The following GPR157 variants were observed in gnomAD, a reference collection of about 807,000 sequenced individuals.
The protein encoded by GPR157 is G-protein coupled receptor 157.
Under a neutral mutation model 23.5 loss-of-function variants are expected in GPR157, and 16 were observed. The ratio of observed to expected loss-of-function variants is 0.68; its 90% confidence interval spans 0.46 to 1.04. GPR157 has a LOEUF of 1.04. GPR157 is among the 50% of genes least tolerant of loss of function. GPR157 has a pLI of 0.00. For missense variants in GPR157, 440 were observed against 460.7 expected (o/e 0.96, Z 0.41); for synonymous variants, 200 against 221.5 (o/e 0.90, Z 0.86).
chr1:9,104,501 C>T lies in GPR157; in HGVS notation c.926G>A (p.Gly309Asp). 1.9e-6 allele frequency: 3 copies of T among 1,613,720 alleles called. No individual in the cohort carries two copies. The highest frequency in any genetic ancestry group is 2.5e-6 in the Non-Finnish European group (3 of 1,179,928). The part of the protein sequence containing the change: ...SSQPPTKSPA[G>D]TPKAPAPSKP... ...GGAAGGCGCGGGAGCCTTGGGAGTG[C>T]CAGCCGGGCTCTTGGTGGGAGGCTG... is the stretch of plus-strand genomic sequence containing the variant. The change falls in exon 4 of 4, where the codon GGC becomes GAC. Residue 309 changes from glycine (G) to aspartate (D), a missense_variant. Coordinates refer to ENST00000377411, the MANE Select transcript of GPR157 (RefSeq NM_024980.5).
At chr1:9,121,022 G>A (rs570166345) in intron 1 of GPR157, among the ~76,000 whole-genome samples, 1 of 152,130 alleles carries the variant, frequency 6.6e-6, no homozygotes, top group African/African-American at 2.4e-5. Context: ...GCAGTGCCAC[G>A]GTGAGCTCGT....
intron 1 of GPR157, among the ~76,000 whole-genome samples, chr1:9,125,567 C>T (rs1192276877): frequency 6.6e-6 from 1 of 152,182 alleles, no homozygotes; most frequent in Non-Finnish European, 1.5e-5. Context: ...TCTCTCTAAC[C>T]TCCTGCCTTT....
intron 2 of GPR157, 35 bp downstream of exon 2, chr1:9,111,241 T>C (rs1638484767): frequency 6.2e-7 from 1 of 1,603,064 alleles, no homozygotes; most frequent in Admixed American, 1.7e-5. Context: ...ACAGCGGCCA[T>C]GCAGAGGGCC....
intron 1 of GPR157, among the ~76,000 whole-genome samples, chr1:9,122,113 G>T (rs780439253): frequency 6.6e-6 from 1 of 152,122 alleles, no homozygotes; most frequent in Non-Finnish European, 1.5e-5. Context: ...GAAGGGCTGC[G>T]CCACTCTTGG....
intron 1 of GPR157, among the ~76,000 whole-genome samples, chr1:9,124,172 C>T (rs1380754755): frequency 1.3e-5 from 2 of 152,056 alleles, no homozygotes; most frequent in Non-Finnish European, 2.9e-5. Context: ...GTTTTTAAAA[C>T]CTGTTACAGC....
At position 9,120,047 on chromosome 1, in the gene GPR157, C is replaced by A. The variant is rs931389943; in HGVS notation, c.384-8558G>T. 3.9e-5 allele frequency among the ~76,000 whole-genome samples: 6 copies of A among 152,118 alleles called. No homozygotes were observed. The highest frequency in any genetic ancestry group is 5.9e-5 in the Non-Finnish European group (4 of 68,024). On this transcript the variant is annotated intron_variant, in intron 1 of 3. Coordinates refer to ENST00000377411, the MANE Select transcript of GPR157 (RefSeq NM_024980.5). The surrounding 1 kb of genome is among the most constrained non-coding windows in gnomAD (Gnocchi z 4.1). ...ATCTTCTGTTGTGTGGTTCCTGGAACCTGTCCCCACCAGAGTCAGGGTGGG... is the reference window on the plus strand; with the variant it reads ...ATCTTCTGTTGTGTGGTTCCTGGAAACTGTCCCCACCAGAGTCAGGGTGGG...
chr1:9,125,619 G>A (rs1569981532), intron 1 of GPR157, among the ~76,000 whole-genome samples: 2 of 152,088 alleles, frequency 1.3e-5, no homozygotes, highest in Admixed American at 6.6e-5. Context: ...CTGTCACTTC[G>A]CATTGAATCA....
rs965755055 is a variant in GPR157, at chr1:9,105,888, A to G, written c.598-208T>C. Reference sequence around the variant, plus strand: ...CATGGAGGTCTCAAAGTCATCTGAAACAGCTCACATCCAAGACAGAAGATG... The same window carrying G: ...CATGGAGGTCTCAAAGTCATCTGAAGCAGCTCACATCCAAGACAGAAGATG... On this transcript the variant is annotated intron_variant, in intron 2 of 3. Transcript: ENST00000377411. This position sits in a 1 kb window ranked among gnomAD's most constrained non-coding sequence, Gnocchi z 4.8. Among the ~76,000 whole-genome samples, 3 of 152,100 alleles carry G rather than the reference A, an allele frequency of 2.0e-5. No homozygotes were observed. The highest frequency in any genetic ancestry group is 7.2e-5 in the African/African-American group (3 of 41,408).
intron 2 of GPR157, among the ~76,000 whole-genome samples, chr1:9,110,400 A>G (rs1638458721): frequency 6.6e-6 from 1 of 152,144 alleles, no homozygotes; most frequent in African/African-American, 2.4e-5. Flanking sequence ...GCACGTGCCT[A>G]TAATCCCAGC....
intron 1 of GPR157, among the ~76,000 whole-genome samples, chr1:9,112,614 G>A (rs1029939088): frequency 1.1e-4 from 17 of 152,126 alleles, no homozygotes; most frequent in Non-Finnish European, 2.1e-4. Flanking sequence ...CACCACGCCC[G>A]GCTAATTTTT....
chr1:9,121,932 G>A (rs1263692908), intron 1 of GPR157, among the ~76,000 whole-genome samples: 1 of 152,210 alleles, frequency 6.6e-6, no homozygotes, highest in East Asian at 1.9e-4. Flanking sequence ...CGGCCAGGAC[G>A]CTTCCTTCTG....
At position 9,105,360 on chromosome 1, in the gene GPR157, G is replaced by C; in HGVS notation, c.792+126C>G. 1.2e-6 allele frequency: 1 copy of C among 808,812 alleles called. No individual in the cohort carries two copies. The highest frequency in any genetic ancestry group is 1.9e-6 in the Non-Finnish European group (1 of 518,860). 50.1% of individuals were successfully genotyped at this position (808,812 alleles called of 1,614,324 possible). A position where few individuals can be genotyped will look rare whatever the true frequency, so the allele number is the denominator to read the frequency against. On this transcript the variant is annotated intron_variant, in intron 3 of 3. Coordinates refer to ENST00000377411, the MANE Select transcript of GPR157 (RefSeq NM_024980.5). This position sits in a 1 kb window ranked among gnomAD's most constrained non-coding sequence, Gnocchi z 4.8. The stretch of plus-strand genomic sequence containing the variant: ...CAGAGAGGAAGGCACAGCACAGTGG[G>C]GCCGAGCTCCTCCCTGCAGCTGTGC...
At chr1:9,115,010 G>C (rs1557697388) in intron 1 of GPR157, among the ~76,000 whole-genome samples, 1 of 152,012 alleles carries the variant, frequency 6.6e-6, no homozygotes, top group Non-Finnish European at 1.5e-5. Context: ...GCAGCTGTGT[G>C]AGGGCCAGAA....
At chr1:9,109,371 C>T (rs1638425477) in intron 2 of GPR157, among the ~76,000 whole-genome samples, 1 of 151,912 alleles carries the variant, frequency 6.6e-6, no homozygotes, top group African/African-American at 2.4e-5. Context: ...GCATGAGTCA[C>T]CATGCCCAGC....
chr1:9,123,938 C>G (rs1219835854), intron 1 of GPR157, among the ~76,000 whole-genome samples: 1 of 151,216 alleles, frequency 6.6e-6, no homozygotes, highest in African/African-American at 2.4e-5. Flanking sequence ...AAGTGATCCT[C>G]TCATCTCAGC....
At position 9,104,496 on chromosome 1, in the gene GPR157, G is replaced by C. The variant is rs780779612; in HGVS notation, c.931C>G (p.Pro311Ala). Residue 311 changes from proline to alanine, a missense_variant, in exon 4 of 4, where the codon CCC becomes GCC. Transcript: ENST00000377411. ...QPPTKSPAGT[P>A]KAPAPSKPGE... ...GGCTTGGAAGGCGCGGGAGCCTTGG[G>C]AGTGCCAGCCGGGCTCTTGGTGGGA... is the stretch of plus-strand genomic sequence containing the variant. 3 of 1,613,830 alleles carry C rather than the reference G, an allele frequency of 1.9e-6. No individual in the cohort carries two copies. The Admixed American group carries it at 5.0e-5, about 27-fold the overall frequency.
Position 9,104,550 on chromosome 1 carries a change from G to C in GPR157, c.877C>G (p.Leu293Val). ...TGAGAAGAGCAGCAGCAGCAACAGAGAGAGAAGAGCCGAGTTCGGACGGCG... is the reference window on the plus strand; with the variant it reads ...TGAGAAGAGCAGCAGCAGCAACAGACAGAGAAGAGCCGAGTTCGGACGGCG... ...TRAVRTRLFS[L>V]CCCCCSSQPP... is the part of the protein sequence containing the mutation. Residue 293 changes from leucine to valine, a missense_variant, in exon 4 of 4, where the codon CTC (leucine) becomes GTC (valine). Coordinates refer to ENST00000377411, the MANE Select transcript of GPR157 (RefSeq NM_024980.5). 4 of 1,613,854 alleles carry C rather than the reference G, an allele frequency of 2.5e-6. No individual in the cohort carries two copies. Among genetic ancestry groups the C allele is most frequent in the Non-Finnish European group, 3.4e-6 (4 of 1,179,998 alleles).
At chr1:9,104,711 A>C in intron 3 of GPR157, 77 bp from the exon 4 acceptor site, 6 of 1,118,370 alleles carry the variant, frequency 5.4e-6, no homozygotes, top group East Asian at 2.6e-5. Flanking sequence ...AATTAAGAGA[A>C]ACGGCTAGGC....
intron 2 of GPR157, among the ~76,000 whole-genome samples, chr1:9,106,533 C>A (rs1034957902): frequency 1.3e-5 from 2 of 152,360 alleles, no homozygotes; most frequent in South Asian, 2.1e-4. Context: ...ACACGCAGCA[C>A]CCCCGCCCCA....
Sources: gnomAD v4.1 joint callset for allele counts (sites outside exome capture counted in the v4.1 genomes callset) on GRCh38, gnomAD v4.1.1 for gene constraint, Gnocchi (gnomAD v3.1) non-coding constraint, MANE v1.5 for transcripts, NCBI Gene and HGNC (gene_info 2026-07-23, HGNC 2026-07-21) for gene names.